Variants in RALGAPA1 observed in about 807,000 individuals in gnomAD.
The protein encoded by RALGAPA1 is ral GTPase-activating protein subunit alpha-1.
RALGAPA1 carries 52 observed loss-of-function variants against 269.6 expected under a neutral mutation model. That is an observed-to-expected ratio of 0.19 (90% CI 0.15 to 0.24). The LOEUF (loss-of-function observed/expected upper bound fraction) is 0.24. RALGAPA1 is among the 10% of genes least tolerant of loss of function. The pLI is 1.00. For synonymous variants in RALGAPA1, 817 were observed against 1,008.3 expected (o/e 0.81, Z 3.60); for missense variants, 1,917 against 3,013.9 (o/e 0.64, Z 8.52).
intron 35 of RALGAPA1, among the ~76,000 whole-genome samples, chr14:35,621,706 T>C (rs2060641582): frequency 3.3e-5 from 5 of 152,120 alleles, no homozygotes; most frequent in Admixed American, 3.3e-4. Context: ...GGGCAAAGGA[T>C]ATGAACAGAC....
intron 37 of RALGAPA1, among the ~76,000 whole-genome samples, chr14:35,577,535 C>T (rs1268372259): frequency 2.6e-5 from 4 of 152,170 alleles, no homozygotes; most frequent in African/African-American, 9.7e-5. Context: ...TCTCAGCCCC[C>T]AGAACTGTGA....
intron 29 of RALGAPA1, 37 bp downstream of exon 29, chr14:35,655,770 C>A: frequency 6.3e-7 from 1 of 1,595,070 alleles, no homozygotes; most frequent in South Asian, 1.2e-5. Context: ...TGCATTCTCT[C>A]CTATCTTAAT....
At chr14:35,767,673 G>A (rs1026178743) in intron 4 of RALGAPA1, among the ~76,000 whole-genome samples, 1 of 152,134 alleles carries the variant, frequency 6.6e-6, no homozygotes, top group African/African-American at 2.4e-5. Context: ...GGGCGACAGA[G>A]CAAGATTCCA....
chr14:35,686,119 T>C (rs1438275209), intron 19 of RALGAPA1, among the ~76,000 whole-genome samples: 7 of 150,884 alleles, frequency 4.6e-5, no homozygotes, highest in Non-Finnish European at 8.9e-5. Flanking sequence ...TATATATGTA[T>C]TTTTATTTTA....
In RALGAPA1 at chr14:35,755,612, C is replaced by T. The variant is rs1415959947; in HGVS notation, c.663+1181G>A. Among the ~76,000 whole-genome samples, 9 of 152,026 alleles carry T rather than the reference C, an allele frequency of 5.9e-5. No individual in the cohort carries two copies. The South Asian group carries it at 1.7e-3, about 28-fold the overall frequency. ...TAACAATGATGATCATAACACCTGC[C>T]CACTACAGAACACTTATGGCATGCT... On this transcript the variant is annotated intron_variant, in intron 7 of 41. Transcript: ENST00000680220.
Position 35,750,705 on chromosome 14 carries a change from A to G in RALGAPA1, c.803-15T>C. 1 of 1,549,226 alleles carries G rather than the reference A, an allele frequency of 6.5e-7. No homozygotes were observed. On this transcript the variant is annotated splice_polypyrimidine_tract_variant and intron_variant, in intron 8 of 41. Coordinates refer to ENST00000680220, the MANE Select transcript of RALGAPA1 (RefSeq NM_001346249.2). ...CTGCGGGATGTCTGTGCAAAATAAA[A>G]GGAAGATGAAAACCAAAATAAGAAA...
At position 35,684,920 on chromosome 14, in the gene RALGAPA1, G is replaced by C. The variant is rs1212086051; in HGVS notation, c.4294+9C>G. The C allele has an allele frequency of 6.2e-7, 1 of 1,611,574 alleles. No homozygotes were observed. On this transcript the variant is annotated intron_variant, in intron 20 of 41. Transcript: ENST00000680220. The stretch of plus-strand genomic sequence containing the variant: ...TAAAACATAGTATTCAAATAGAAAA[G>C]ATACTTGCTGTCAAATTTTCGGCCA...
At chr14:35,800,875 C>T (rs951741274) in intron 1 of RALGAPA1, among the ~76,000 whole-genome samples, 1 of 151,938 alleles carries the variant, frequency 6.6e-6, no homozygotes, top group Non-Finnish European at 1.5e-5. Context: ...CGGGGTGGCG[C>T]ATGCCTGTAG....
At position 35,684,911 on chromosome 14, in the gene RALGAPA1, A is replaced by C; in HGVS notation, c.4294+18T>G. On this transcript the variant is annotated intron_variant, in intron 20 of 41. Transcript: ENST00000680220. Reference sequence around the variant, plus strand: ...CAATCAACATAAAACATAGTATTCAAATAGAAAAGATACTTGCTGTCAAAT... The same window carrying C: ...CAATCAACATAAAACATAGTATTCACATAGAAAAGATACTTGCTGTCAAAT... 2 of 1,608,366 alleles carry C rather than the reference A, an allele frequency of 1.2e-6. No homozygotes were observed. Among genetic ancestry groups the C allele is most frequent in the Non-Finnish European group, 1.7e-6 (2 of 1,177,756 alleles).
chr14:35,595,569 G>T (rs1046094509), intron 37 of RALGAPA1, 65 bp downstream of exon 37: 1 of 1,362,360 alleles, frequency 7.3e-7, no homozygotes, highest in Non-Finnish European at 1.0e-6. Flanking sequence ...TCTTACTTAC[G>T]TATTTTCTGT....
At chr14:35,572,520 C>T (rs893401051) in intron 38 of RALGAPA1, 40 bp downstream of exon 38, 4 of 1,530,406 alleles carry the variant, frequency 2.6e-6, no homozygotes, top group African/African-American at 1.4e-5. Context: ...CCCTATAGAA[C>T]CAAAATCTAT....
chr14:35,574,277 T>C (rs374217554), intron 37 of RALGAPA1, among the ~76,000 whole-genome samples: 1 of 152,324 alleles, frequency 6.6e-6, no homozygotes, highest in South Asian at 2.1e-4. Flanking sequence ...CAAAACTATC[T>C]ATAATTTCTA....
At position 35,654,493 on chromosome 14, in the gene RALGAPA1, A is replaced by G; in HGVS notation, c.5497-16T>C. 1 of 1,570,564 alleles carries G rather than the reference A, an allele frequency of 6.4e-7. No homozygotes were observed. Among genetic ancestry groups the G allele is most frequent in the Non-Finnish European group, 8.6e-7 (1 of 1,166,662 alleles). On this transcript the variant is annotated splice_polypyrimidine_tract_variant and intron_variant, in intron 29 of 41. Transcript: ENST00000680220. Reference sequence around the variant, plus strand: ...TATTAGTAAACTGCAATAATAAAAAAAAAGTTTTAAAAATTTTCATGATGA... The same window carrying G: ...TATTAGTAAACTGCAATAATAAAAAGAAAGTTTTAAAAATTTTCATGATGA...
intron 16 of RALGAPA1, among the ~76,000 whole-genome samples, chr14:35,717,889 A>T (rs894095145): frequency 6.6e-6 from 1 of 152,066 alleles, no homozygotes; most frequent in African/African-American, 2.4e-5. Context: ...AATCTTTAAG[A>T]TATATCACTA....
intron 39 of RALGAPA1, among the ~76,000 whole-genome samples, chr14:35,551,460 A>G (rs2054999171): frequency 1.3e-5 from 2 of 152,204 alleles, no homozygotes; most frequent in South Asian, 4.1e-4. Flanking sequence ...ACAGTCTGCT[A>G]TCAAAACAAG....
chr14:35,644,146 A>C (rs2062220339), intron 31 of RALGAPA1, among the ~76,000 whole-genome samples: 1 of 152,118 alleles, frequency 6.6e-6, no homozygotes, highest in Non-Finnish European at 1.5e-5. Flanking sequence ...TATCCCATGC[A>C]CTCCATAAAT....
intron 26 of RALGAPA1, among the ~76,000 whole-genome samples, chr14:35,668,927 T>A (rs940143951): frequency 2.0e-5 from 3 of 152,208 alleles, no homozygotes; most frequent in African/African-American, 7.2e-5. Flanking sequence ...TCTTTTTGCC[T>A]ATTACACTCT....
intron 41 of RALGAPA1, among the ~76,000 whole-genome samples, chr14:35,543,797 C>T (rs1441466187): frequency 6.6e-6 from 1 of 152,184 alleles, no homozygotes. Flanking sequence ...CGCATGCCAT[C>T]ATGCCCAGCT....
intron 1 of RALGAPA1, among the ~76,000 whole-genome samples, chr14:35,796,004 T>C (rs936641109): frequency 5.3e-5 from 8 of 151,644 alleles, no homozygotes; most frequent in African/African-American, 1.9e-4. Flanking sequence ...TATAAGAAAG[T>C]AAAATTCAGA....
Sources: allele counts gnomAD v4.1 joint callset (sites outside exome capture counted in the v4.1 genomes callset), GRCh38; gene constraint gnomAD v4.1.1; transcripts MANE v1.5; gene names NCBI Gene and HGNC (gene_info 2026-07-23, HGNC 2026-07-21).